Variants in PCDH9 observed in about 807,000 individuals in gnomAD.
The protein encoded by PCDH9 is protocadherin 9.
A neutral mutation model predicts 70.6 loss-of-function variants in PCDH9; 24 were observed. That is an observed-to-expected ratio of 0.34 (90% CI 0.25 to 0.48). The LOEUF is 0.48. PCDH9 is among the 20% of genes least tolerant of loss of function. PCDH9 has a pLI of 0.99. For missense variants in PCDH9, 1,281 were observed against 1,503.6 expected (o/e 0.85, Z 2.45); for synonymous variants, 562 against 558.5 (o/e 1.01, Z -0.09).
intron 2 of PCDH9, among the ~76,000 whole-genome samples, chr13:67,030,492 C>A (rs1298149287): frequency 2.0e-5 from 3 of 151,678 alleles, no homozygotes; most frequent in Non-Finnish European, 2.9e-5. Context: ...CCACCACCGA[C>A]CCCCACCAAC....
At chr13:66,341,850 C>G (rs546497169) in intron 4 of PCDH9, among the ~76,000 whole-genome samples, 1 of 152,098 alleles carries the variant, frequency 6.6e-6, no homozygotes, top group Non-Finnish European at 1.5e-5. Flanking sequence ...TGTCTCACTG[C>G]GCTCAAGGGA....
intron 2 of PCDH9, among the ~76,000 whole-genome samples, chr13:67,110,118 G>A (rs937070303): frequency 7.9e-5 from 12 of 151,624 alleles, no homozygotes; most frequent in Non-Finnish European, 1.3e-4. Context: ...TAAGTAAGCT[G>A]ACATTTTTAA....
intron 3 of PCDH9, among the ~76,000 whole-genome samples, chr13:66,634,908 C>T (rs2077617644): frequency 6.6e-6 from 1 of 152,106 alleles, no homozygotes; most frequent in East Asian, 1.9e-4. Context: ...TGAGGTGACG[C>T]AGCTCTTAGT....
At chr13:66,644,277 T>C (rs1463181517) in intron 3 of PCDH9, among the ~76,000 whole-genome samples, 1 of 151,942 alleles carries the variant, frequency 6.6e-6, no homozygotes, top group Admixed American at 6.6e-5. Context: ...ATGAATTTTA[T>C]TAATAAAAAA....
chr13:66,468,647 T>C (rs1958559746), intron 4 of PCDH9, among the ~76,000 whole-genome samples: 1 of 152,194 alleles, frequency 6.6e-6, no homozygotes, highest in Non-Finnish European at 1.5e-5. Context: ...ACTAGTATCC[T>C]AGTTTATTCC....
chr13:66,893,814 A>G (rs959255407), intron 3 of PCDH9, among the ~76,000 whole-genome samples: 1 of 152,056 alleles, frequency 6.6e-6, no homozygotes, highest in Non-Finnish European at 1.5e-5. Context: ...TCCTCATGCT[A>G]TTCCATTCTA....
chr13:66,960,865 G>C (rs75186560), intron 2 of PCDH9, among the ~76,000 whole-genome samples: 83 of 152,148 alleles, frequency 5.5e-4, no homozygotes, highest in African/African-American at 2.0e-3. Context: ...ATATATTTAA[G>C]CATCTTGAGT....
chr13:66,490,901 C>G (rs1406950941), intron 4 of PCDH9, among the ~76,000 whole-genome samples: 4 of 151,940 alleles, frequency 2.6e-5, no homozygotes, highest in African/African-American at 9.7e-5. Context: ...ATTTCTTTGC[C>G]CAGCATATCT....
chr13:67,057,689 G>T (rs1315627700), intron 2 of PCDH9, among the ~76,000 whole-genome samples: 1 of 151,902 alleles, frequency 6.6e-6, no homozygotes, highest in East Asian at 1.9e-4. Context: ...CAATTAATTG[G>T]CTGTGACCCA....
intron 3 of PCDH9, among the ~76,000 whole-genome samples, chr13:66,858,563 C>T (rs1232813725): frequency 6.6e-6 from 1 of 152,118 alleles, no homozygotes; most frequent in African/African-American, 2.4e-5. Flanking sequence ...GCTTCTCCTT[C>T]TTCTTCCTCC....
chr13:67,169,866 C>G (rs1032392250), intron 2 of PCDH9, among the ~76,000 whole-genome samples: 15 of 152,150 alleles, frequency 9.9e-5, no homozygotes, highest in Non-Finnish European at 1.8e-4. Flanking sequence ...ACATGAGTCT[C>G]TATTTATTTT....
At position 66,630,063 on chromosome 13, in the gene PCDH9, C is replaced by T. The variant is rs150546576; in HGVS notation, c.3340+1147G>A. On this transcript the variant is annotated intron_variant, in intron 4 of 4. Transcript: ENST00000377865. ...ATAAGAAGCAAAATAGGTAGAAAAT[C>T]AAGAAAAAAGTCATCATACTTCAAT... is the stretch of plus-strand genomic sequence containing the variant. Among the ~76,000 whole-genome samples the T allele has an allele frequency of 4.2e-3, 636 of 152,108 alleles. 20 individuals carry two copies. In the East Asian group the frequency reaches 0.081, roughly 19 times the overall value.
chr13:66,913,477 G>A (rs751947059), intron 2 of PCDH9, among the ~76,000 whole-genome samples: 51 of 152,008 alleles, frequency 3.4e-4, no homozygotes, highest in Non-Finnish European at 6.5e-4. Flanking sequence ...GGATGTTCCA[G>A]AATACCCTGG....
chr13:67,119,008 G>T (rs1594537035), intron 2 of PCDH9, among the ~76,000 whole-genome samples: 2 of 152,076 alleles, frequency 1.3e-5, no homozygotes, highest in African/African-American at 4.8e-5. Flanking sequence ...GTAGCAGGTG[G>T]TTTATAACGG....
At chr13:66,839,502 G>A (rs373371957) in intron 3 of PCDH9, among the ~76,000 whole-genome samples, 38 of 152,146 alleles carry the variant, frequency 2.5e-4, no homozygotes, top group African/African-American at 8.4e-4. Flanking sequence ...CCTCTGAAAC[G>A]TCTTCCTGTG....
chr13:67,221,042 G>A (rs1435238389), intron 2 of PCDH9: 2 of 151,966 alleles, frequency 1.3e-5, no homozygotes, highest in Non-Finnish European at 2.9e-5. Flanking sequence ...TGACCATAGG[G>A]CACTTAGCCA....
intron 3 of PCDH9, among the ~76,000 whole-genome samples, chr13:66,730,876 G>GTGTTTTTTTTTTTTTTTTTTTTT (rs1555262846): frequency 6.5e-5 from 3 of 46,358 alleles, no homozygotes; most frequent in African/African-American, 2.3e-4. Context: ...GTGTGTGTGT[G>GTGTTTTTTTTTTTTTTTTTTTTT]TTTTTTTTTT....
At chr13:67,109,687 G>A (rs576193273) in intron 2 of PCDH9, among the ~76,000 whole-genome samples, 3 of 152,126 alleles carry the variant, frequency 2.0e-5, no homozygotes, top group East Asian at 1.9e-4. Context: ...AGACTAAATC[G>A]ATTTTCAAGC....
At chr13:67,011,626 T>C (rs2084453408) in intron 2 of PCDH9, among the ~76,000 whole-genome samples, 1 of 151,908 alleles carries the variant, frequency 6.6e-6, no homozygotes, top group Non-Finnish European at 1.5e-5. Flanking sequence ...TAATAGGACC[T>C]GAGGCATTTC....
Sources: gnomAD v4.1 joint callset for allele counts (sites outside exome capture counted in the v4.1 genomes callset) on GRCh38, gnomAD v4.1.1 for gene constraint, MANE v1.5 for transcripts, NCBI Gene and HGNC (gene_info 2026-07-23, HGNC 2026-07-21) for gene names.